The following IL1RAPL1 variants were observed in gnomAD, a reference collection of about 807,000 sequenced individuals.
IL1RAPL1 encodes the protein interleukin-1 receptor accessory protein-like 1.
IL1RAPL1 carries 3 observed loss-of-function variants against 48.4 expected under a neutral mutation model. The ratio of observed to expected loss-of-function variants is 0.06; its 90% CI spans 0.03 to 0.16. The LOEUF (loss-of-function observed/expected upper bound fraction) is 0.16. IL1RAPL1 is among the 10% of genes least tolerant of loss of function. IL1RAPL1 has a pLI of 1.00. For synonymous variants in IL1RAPL1, 185 were observed against 187.7 expected, an observed-to-expected ratio of 0.99 and a Z score of 0.12; for missense variants, 349 against 530.6, an observed-to-expected ratio of 0.66 and a Z score of 3.36.
chrX:29,524,490 G>A (rs927388343), intron 5 of IL1RAPL1, among the ~76,000 whole-genome samples: 1 of 111,028 alleles, frequency 9.0e-6, no homozygotes, highest in Admixed American at 9.6e-5. Flanking sequence ...TGTCTGCAAA[G>A]TACTCTTTTT....
chrX:28,760,534 A>G (rs778894769), intron 1 of IL1RAPL1, among the ~76,000 whole-genome samples: 7 of 112,031 alleles, frequency 6.2e-5, no homozygotes, highest in Non-Finnish European at 1.3e-4. Flanking sequence ...ATTAGCCCAT[A>G]TGGATGGGTC....
chrX:29,801,000 C>A (rs1157572830), intron 6 of IL1RAPL1, among the ~76,000 whole-genome samples: 4 of 1,740 alleles, frequency 2.3e-3, no homozygotes, highest in Non-Finnish European at 5.1e-3. Flanking sequence ...AACTCCGTCT[C>A]AAAAAAAAAA....
rs184081080 is a variant in IL1RAPL1, at chrX:29,035,777, G to A, written c.82+246352G>A. On this transcript the variant is annotated intron_variant, in intron 2 of 10. Transcript: ENST00000378993. ...AAGGAAGAAAGGCATACTGGAAAAT[G>A]ACTAATGAATTTAACTATATCATAA... 2.7e-3 allele frequency among the ~76,000 whole-genome samples: 300 copies of A among 112,466 alleles called. 2 individuals carry two copies. The highest frequency in any genetic ancestry group is 9.4e-3 in the African/African-American group (292 of 31,027).
chrX:29,846,255 C>T (rs1931244460), intron 6 of IL1RAPL1, among the ~76,000 whole-genome samples: 1 of 111,269 alleles, frequency 9.0e-6, no homozygotes, highest in Admixed American at 9.6e-5. Flanking sequence ...AATGAGGATC[C>T]TACACAAAAT....
At chrX:29,510,752 A>G (rs1265957920) in intron 5 of IL1RAPL1, among the ~76,000 whole-genome samples, 1 of 111,747 alleles carries the variant, frequency 8.9e-6, no homozygotes, top group Non-Finnish European at 1.9e-5. Flanking sequence ...ACTTTCTTCT[A>G]GTCATACGGG....
chrX:29,016,250 T>C (rs1192715156), intron 2 of IL1RAPL1, among the ~76,000 whole-genome samples: 2 of 111,142 alleles, frequency 1.8e-5, no homozygotes, highest in African/African-American at 6.5e-5. Context: ...ATTCTCTTTG[T>C]GAAAAGGTGG....
intron 2 of IL1RAPL1, among the ~76,000 whole-genome samples, chrX:28,827,227 T>C (rs1169797500): frequency 9.0e-6 from 1 of 111,399 alleles, no homozygotes; most frequent in Non-Finnish European, 1.9e-5. Context: ...TAATCTCCAT[T>C]ATTTTAAATT....
chrX:29,580,148 TTTC>T (rs1381315711), intron 5 of IL1RAPL1, among the ~76,000 whole-genome samples: 1 of 109,795 alleles, frequency 9.1e-6, no homozygotes, highest in African/African-American at 3.3e-5. Flanking sequence ...TTTTTTTTTT[TTTC>T]ACTTTGACGT....
chrX:29,946,953 C>T (rs371539590), intron 9 of IL1RAPL1, among the ~76,000 whole-genome samples: 1 of 111,990 alleles, frequency 8.9e-6, no homozygotes, highest in South Asian at 3.7e-4. Flanking sequence ...ACCCATTGTA[C>T]ACAGTAAAAA....
At chrX:28,626,359 A>G (rs1040953307) in intron 1 of IL1RAPL1, among the ~76,000 whole-genome samples, 1 of 112,349 alleles carries the variant, frequency 8.9e-6, no homozygotes, top group Non-Finnish European at 1.9e-5. Context: ...GATTTAGCAT[A>G]TGTTAATGTG....
intron 5 of IL1RAPL1, among the ~76,000 whole-genome samples, chrX:29,527,014 G>A (rs1055671826): frequency 1.3e-4 from 15 of 111,650 alleles, no homozygotes; most frequent in African/African-American, 4.2e-4. Flanking sequence ...GTACTACAAA[G>A]CCTCAACAAA....
At chrX:28,755,758 CT>C (rs1936098334) in intron 1 of IL1RAPL1, among the ~76,000 whole-genome samples, 1 of 111,927 alleles carries the variant, frequency 8.9e-6, no homozygotes, top group Non-Finnish European at 1.9e-5. Context: ...GCCAAATTTT[CT>C]TTTCTTGCAT....
At chrX:29,756,189 G>A (rs1928608256) in intron 6 of IL1RAPL1, among the ~76,000 whole-genome samples, 1 of 111,426 alleles carries the variant, frequency 9.0e-6, no homozygotes, top group Non-Finnish European at 1.9e-5. Context: ...TCCATAATAT[G>A]AAACTTGGAG....
intron 2 of IL1RAPL1, among the ~76,000 whole-genome samples, chrX:29,272,547 G>T (rs1438374483): frequency 9.0e-6 from 1 of 111,181 alleles, no homozygotes; most frequent in African/African-American, 3.3e-5. Flanking sequence ...GGGTTCCTTT[G>T]TAGGTGACCT....
At chrX:29,252,231 A>G (rs754199584) in intron 2 of IL1RAPL1, among the ~76,000 whole-genome samples, 1,410 of 111,235 alleles carry the variant, frequency 0.013, 18 homozygotes, top group African/African-American at 0.045. Context: ...TAACCTGCAC[A>G]TTGTGCACAT....
intron 5 of IL1RAPL1, among the ~76,000 whole-genome samples, chrX:29,405,516 G>A (rs1199089073): frequency 2.0e-5 from 2 of 98,927 alleles, no homozygotes; most frequent in Non-Finnish European, 3.9e-5. Context: ...ACAGGTGCCC[G>A]CCACTAGGCC....
At chrX:29,331,017 A>G (rs61066269) in intron 3 of IL1RAPL1, among the ~76,000 whole-genome samples, 8,998 of 109,715 alleles carry the variant, frequency 0.082, 930 homozygotes, top group African/African-American at 0.28. Flanking sequence ...AAATGCAAAA[A>G]TTAGCTGGGT....
At chrX:28,648,869 A>G (rs1569144971) in intron 1 of IL1RAPL1, among the ~76,000 whole-genome samples, 1 of 112,075 alleles carries the variant, frequency 8.9e-6, no homozygotes, top group Non-Finnish European at 1.9e-5. Context: ...ACAGTGGGAT[A>G]CAAAGTTACA....
In IL1RAPL1 at chrX:29,383,444, T is replaced by C. The variant is rs1335581599; in HGVS notation, c.363-12814T>C. ...AACACTTTTAATCATACCTCTAACA[T>C]AACTCTATGGTATTACATTCTGACA... On this transcript the variant is annotated intron_variant, in intron 3 of 10. Transcript: ENST00000378993. Among the ~76,000 whole-genome samples the C allele has an allele frequency of 3.6e-5, 4 of 112,287 alleles. No homozygotes were observed. The East Asian group carries it at 1.1e-3, about 31-fold the overall frequency.
Sources: gnomAD v4.1 joint callset for allele counts (sites outside exome capture counted in the v4.1 genomes callset) on GRCh38, gnomAD v4.1.1 for gene constraint, MANE v1.5 for transcripts, NCBI Gene and HGNC (gene_info 2026-07-23, HGNC 2026-07-21) for gene names.